CSMD1: variants seen among roughly 807,000 people sequenced by gnomAD.
CSMD1 encodes the protein CUB and sushi domain-containing protein 1.
Under a neutral mutation model 417.5 loss-of-function variants are expected in CSMD1, and 213 were observed. That is an observed-to-expected ratio of 0.51 (90% confidence interval 0.46 to 0.57). The LOEUF (loss-of-function observed/expected upper bound fraction) is 0.57. CSMD1 is among the 20% of genes least tolerant of loss of function. CSMD1 has a pLI of 0.00. For missense variants in CSMD1, 6,923 were observed against 4,529.7 expected, an observed-to-expected ratio of 1.53 and a Z score of -15.17; for synonymous variants, 2,862 against 1,736.8, an observed-to-expected ratio of 1.65 and a Z score of -16.11.
intron 3 of CSMD1, among the ~76,000 whole-genome samples, chr8:4,176,073 G>C (rs1397462992): frequency 6.6e-6 from 1 of 152,068 alleles, no homozygotes; most frequent in Non-Finnish European, 1.5e-5. Flanking sequence ...CTTAGATGTG[G>C]AACCCTTGCA....
At chr8:3,464,577 T>C (rs1355327649) in intron 12 of CSMD1, among the ~76,000 whole-genome samples, 2 of 149,824 alleles carry the variant, frequency 1.3e-5, no homozygotes, top group South Asian at 2.1e-4. Context: ...ATATGATTTA[T>C]AAATATATAA....
chr8:4,061,403 C>A (rs1044807142), intron 3 of CSMD1, among the ~76,000 whole-genome samples: 1 of 152,192 alleles, frequency 6.6e-6, no homozygotes, highest in South Asian at 2.1e-4. Flanking sequence ...CAGATTAAAT[C>A]AGCTTCCTAG....
At chr8:3,800,511 C>G (rs1389812702) in intron 5 of CSMD1, among the ~76,000 whole-genome samples, 1 of 152,120 alleles carries the variant, frequency 6.6e-6, no homozygotes, top group African/African-American at 2.4e-5. Flanking sequence ...TCACACCATA[C>G]AGAAAAATTA....
chr8:4,957,203 T>G (rs543236225), intron 1 of CSMD1, among the ~76,000 whole-genome samples: 2 of 152,202 alleles, frequency 1.3e-5, no homozygotes, highest in African/African-American at 4.8e-5. Flanking sequence ...CCTAAAGCTA[T>G]AGCAAACTGT....
rs1196360126 is a variant in CSMD1 at position 2,941,088 on chromosome 8, T to C, written c.10535+1384A>G. 2.0e-5 allele frequency among the ~76,000 whole-genome samples: 3 copies of C among 152,348 alleles called. 1 individual carries two copies. Among genetic ancestry groups the C allele is most frequent in the Middle Eastern group, 6.8e-3 (2 of 294 alleles). On this transcript the variant is annotated intron_variant, in intron 69 of 69. Transcript: ENST00000635120. ...TCAAGGATAAGGCTCATCGGACTTG[T>C]GTGTATTGGGTATTTTCTCTTCCAA...
intron 57 of CSMD1, among the ~76,000 whole-genome samples, chr8:2,967,493 C>T (rs1804067999): frequency 6.6e-6 from 1 of 152,134 alleles, no homozygotes; most frequent in African/African-American, 2.4e-5. Context: ...AGCTCGGCTG[C>T]CGCTGGGTAC....
chr8:3,046,615 A>C (rs1240950065), intron 50 of CSMD1, among the ~76,000 whole-genome samples: 2 of 152,100 alleles, frequency 1.3e-5, no homozygotes, highest in Admixed American at 6.6e-5. Flanking sequence ...ACCACGGTAC[A>C]GTGTACCCCC....
chr8:3,997,886 C>T lies in CSMD1; in HGVS notation c.818+17G>A. On this transcript the variant is annotated intron_variant, in intron 5 of 69. Transcript: ENST00000635120. The stretch of plus-strand genomic sequence containing the variant: ...AACACACCTGTATCCTTTGTGGCAT[C>T]TCTTCCCGGGACTTACCATATGGAT... 1.2e-6 allele frequency: 2 copies of T among 1,604,796 alleles called. No homozygotes were observed.
chr8:3,792,460 G>T (rs1383102923), intron 5 of CSMD1, among the ~76,000 whole-genome samples: 1 of 152,162 alleles, frequency 6.6e-6, no homozygotes, highest in East Asian at 1.9e-4. Flanking sequence ...TGAGGACGGA[G>T]AGCTTACTTT....
intron 5 of CSMD1, among the ~76,000 whole-genome samples, chr8:3,979,571 G>A (rs528383123): frequency 1.2e-3 from 186 of 152,300 alleles, no homozygotes; most frequent in African/African-American, 4.0e-3. Context: ...AACACCTACA[G>A]GAAGATGGGA....
chr8:4,584,520 A>C (rs138861499), intron 2 of CSMD1, among the ~76,000 whole-genome samples: 1 of 151,618 alleles, frequency 6.6e-6, no homozygotes, highest in Non-Finnish European at 1.5e-5. Flanking sequence ...ACAACCCCCA[A>C]CTCTTCGGAG....
chr8:4,754,451 C>CA (rs1391744034), intron 1 of CSMD1, among the ~76,000 whole-genome samples: 1 of 152,036 alleles, frequency 6.6e-6, no homozygotes, highest in Non-Finnish European at 1.5e-5. Context: ...GTATACTTCC[C>CA]AAATTAGCAT....
chr8:3,681,369 A>T (rs1285225827), intron 7 of CSMD1, among the ~76,000 whole-genome samples: 1 of 152,176 alleles, frequency 6.6e-6, no homozygotes, highest in Admixed American at 6.5e-5. Flanking sequence ...ATGTGCAAAA[A>T]TCACAAGCAT....
chr8:3,245,894 C>T (rs1799851232), intron 26 of CSMD1, among the ~76,000 whole-genome samples: 1 of 152,134 alleles, frequency 6.6e-6, no homozygotes, highest in Non-Finnish European at 1.5e-5. Flanking sequence ...TAGCAGATTG[C>T]CAGTGACATG....
chr8:4,717,769 T>C lies in CSMD1; in HGVS notation c.86-80211A>G, dbSNP rs146020878. ...TCAGTCTCTGTCAGAAACTGTCAGATTGTCAATAAAAGCATACAAAGGTAG... is the reference window on the plus strand; with the variant it reads ...TCAGTCTCTGTCAGAAACTGTCAGACTGTCAATAAAAGCATACAAAGGTAG... On this transcript the variant is annotated intron_variant, in intron 1 of 69. Transcript: ENST00000635120. Among the ~76,000 whole-genome samples, 274 of 152,230 alleles carry C rather than the reference T, an allele frequency of 1.8e-3. 9 individuals carry two copies. In the South Asian group the frequency reaches 0.048, roughly 27 times the overall value.
intron 7 of CSMD1, among the ~76,000 whole-genome samples, chr8:3,671,380 T>C (rs1016718201): frequency 6.8e-6 from 1 of 147,812 alleles, no homozygotes; most frequent in Non-Finnish European, 1.5e-5. Flanking sequence ...TGAAAACTTT[T>C]ATATCTCAGA....
At chr8:3,056,306 A>C (rs1812214636) in intron 49 of CSMD1, among the ~76,000 whole-genome samples, 1 of 152,210 alleles carries the variant, frequency 6.6e-6, no homozygotes, top group Admixed American at 6.5e-5. Flanking sequence ...TCTTCTTTGG[A>C]TATCTAAGAT....
rs148789090 is a variant in CSMD1, at chr8:3,437,995, C to G, written c.1562-28390G>C. ...ACCTCAGATGATCCGCTCACCTCAG[C>G]CTCCCAAAGTACTGATACCTATTTC... is the stretch of plus-strand genomic sequence containing the variant. On this transcript the variant is annotated intron_variant, in intron 12 of 69. Coordinates refer to ENST00000635120, the MANE Select transcript of CSMD1 (RefSeq NM_033225.6). Among the ~76,000 whole-genome samples, 3 of 152,166 alleles carry G rather than the reference C, an allele frequency of 2.0e-5. No homozygotes were observed. In the East Asian group the frequency reaches 5.8e-4, roughly 30 times the overall value.
intron 5 of CSMD1, among the ~76,000 whole-genome samples, chr8:3,777,003 C>G (rs1450827862): frequency 2.0e-5 from 3 of 151,778 alleles, no homozygotes; most frequent in Admixed American, 6.6e-5. Flanking sequence ...CATGACCCCC[C>G]ACATCTGACC....
Sources: gnomAD v4.1 joint callset for allele counts (sites outside exome capture counted in the v4.1 genomes callset) on GRCh38, gnomAD v4.1.1 for gene constraint, MANE v1.5 for transcripts, NCBI Gene and HGNC (gene_info 2026-07-23, HGNC 2026-07-21) for gene names.